AKAP13: variants seen among roughly 807,000 people sequenced by gnomAD.
AKAP13 encodes A-kinase anchor protein 13.
AKAP13 carries 80 observed loss-of-function variants against 264.5 expected under a neutral mutation model. The ratio of observed to expected loss-of-function variants is 0.30; its 90% confidence interval spans 0.25 to 0.36. AKAP13 has a LOEUF of 0.36. Among genes scored for constraint, AKAP13 ranks in the 10% least tolerant of loss-of-function variants. The probability of loss-of-function intolerance (pLI) is 1.00; values close to 1 mark genes in which losing one functional copy is unlikely to be tolerated. For missense variants in AKAP13, 3,712 were observed against 3,435.2 expected, an observed-to-expected ratio of 1.08 and a Z score of -2.01; for synonymous variants, 1,380 against 1,250.2, an observed-to-expected ratio of 1.10 and a Z score of -2.19.
intron 1 of AKAP13, among the ~76,000 whole-genome samples, chr15:85,471,489 C>T (rs1217668565): frequency 5.3e-5 from 8 of 151,946 alleles, no homozygotes; most frequent in African/African-American, 1.7e-4. Context: ...AGTGAGACTC[C>T]GTCTCAAAAA....
chr15:85,393,414 C>T (rs1319212898), intron 1 of AKAP13, among the ~76,000 whole-genome samples: 1 of 152,200 alleles, frequency 6.6e-6, no homozygotes, highest in Non-Finnish European at 1.5e-5. Context: ...GGATTAAAGG[C>T]ATGCATGGGT....
At position 85,513,974 on chromosome 15, in the gene AKAP13, A is replaced by G. The variant is rs2151131251; in HGVS notation, c.34-7454A>G. 1.4e-5 allele frequency among the ~76,000 whole-genome samples: 2 copies of G among 138,086 alleles called. 1 individual carries two copies. The highest frequency in any genetic ancestry group is 4.1e-4 in the East Asian group (2 of 4,892). The allele number at this position is 138,086 out of a possible 152,430, so 90.6% of individuals were successfully genotyped here. ...CTTTATTGAGATCTTTATTTTGATTAACCTGTTCAGTGTATTGGCAGATTT... is the reference window on the plus strand; with the variant it reads ...CTTTATTGAGATCTTTATTTTGATTGACCTGTTCAGTGTATTGGCAGATTT... On this transcript the variant is annotated intron_variant, in intron 2 of 36. Coordinates refer to ENST00000394518, the MANE Select transcript of AKAP13 (RefSeq NM_007200.5).
chr15:85,626,436 A>G (rs1485671628), intron 8 of AKAP13, among the ~76,000 whole-genome samples: 3 of 146,204 alleles, frequency 2.1e-5, no homozygotes, highest in Non-Finnish European at 3.0e-5. Context: ...TTTGGCAACT[A>G]CCGTTCTATT....
rs1286153221 is a variant in AKAP13, at chr15:85,730,418, T to C, written c.7088-95T>C. 3.0e-6 allele frequency: 4 copies of C among 1,341,344 alleles called. No homozygotes were observed. The African/African-American group carries it at 4.4e-5, about 15-fold the overall frequency. 83.1% of individuals were successfully genotyped at this position (1,341,344 alleles called of 1,614,324 possible). ...GGGGAGGGTGTCCTGTCTTGTCACTTTCCATAAATTACCACAAGGTGGTGC... is the reference window on the plus strand; with the variant it reads ...GGGGAGGGTGTCCTGTCTTGTCACTCTCCATAAATTACCACAAGGTGGTGC... On this transcript the variant is annotated intron_variant, in intron 29 of 36. Transcript: ENST00000394518.
At chr15:85,444,490 T>A (rs1250074610) in intron 1 of AKAP13, among the ~76,000 whole-genome samples, 2 of 152,246 alleles carry the variant, frequency 1.3e-5, no homozygotes, top group African/African-American at 4.8e-5. Flanking sequence ...TTGACTTGGT[T>A]GCAGAACGAA....
chr15:85,687,932 C>T (rs545488776), intron 16 of AKAP13, among the ~76,000 whole-genome samples: 82 of 151,390 alleles, frequency 5.4e-4, no homozygotes, highest in African/African-American at 1.9e-3. Flanking sequence ...CCTAGCTACT[C>T]AGGAGGCTGA....
At chr15:85,673,291 G>T (rs115813911) in intron 14 of AKAP13, among the ~76,000 whole-genome samples, 1,588 of 152,300 alleles carry the variant, frequency 0.01, 29 homozygotes, top group African/African-American at 0.036. Context: ...GGGGTGGAGA[G>T]TAGGCAAGCA....
At chr15:85,455,048 A>G (rs944530316) in intron 1 of AKAP13, among the ~76,000 whole-genome samples, 1 of 152,178 alleles carries the variant, frequency 6.6e-6, no homozygotes, top group African/African-American at 2.4e-5. Context: ...TGATGGAAGT[A>G]CATGGTTTAT....
chr15:85,626,271 T>A (rs1345299520), intron 8 of AKAP13, among the ~76,000 whole-genome samples: 5 of 152,224 alleles, frequency 3.3e-5, no homozygotes, highest in Non-Finnish European at 5.9e-5. Flanking sequence ...ACCATAAATT[T>A]TAACCATTTT....
chr15:85,425,609 G>A (rs549695047), intron 1 of AKAP13, among the ~76,000 whole-genome samples: 13 of 151,942 alleles, frequency 8.6e-5, no homozygotes, highest in East Asian at 5.8e-4. Context: ...CCATCTACTC[G>A]GGAGGCTGAG....
intron 8 of AKAP13, among the ~76,000 whole-genome samples, chr15:85,593,429 A>G (rs980196075): frequency 6.6e-6 from 1 of 152,056 alleles, no homozygotes; most frequent in African/African-American, 2.4e-5. Flanking sequence ...AATTTGAGAC[A>G]GGGTCTTGCT....
At chr15:85,668,123 C>G (rs1449056435) in intron 13 of AKAP13, among the ~76,000 whole-genome samples, 1 of 152,170 alleles carries the variant, frequency 6.6e-6, no homozygotes, top group East Asian at 1.9e-4. Context: ...TGTTAAAAGT[C>G]TCTGCCTTTC....
chr15:85,406,100 C>T (rs1273699022), intron 1 of AKAP13, among the ~76,000 whole-genome samples: 1 of 152,206 alleles, frequency 6.6e-6, no homozygotes, highest in Non-Finnish European at 1.5e-5. Flanking sequence ...GATCCTCCTG[C>T]CTTGGCGTCC....
At chr15:85,467,524 C>G (rs1418630580) in intron 1 of AKAP13, among the ~76,000 whole-genome samples, 1 of 152,084 alleles carries the variant, frequency 6.6e-6, no homozygotes, top group African/African-American at 2.4e-5. Flanking sequence ...TATTGTCAGG[C>G]TTTTTTCATT....
intron 12 of AKAP13, among the ~76,000 whole-genome samples, chr15:85,659,038 A>G (rs2083222938): frequency 6.6e-6 from 1 of 152,214 alleles, no homozygotes; most frequent in Non-Finnish European, 1.5e-5. Flanking sequence ...TTAATAATGT[A>G]ATGAAAGACT....
intron 8 of AKAP13, among the ~76,000 whole-genome samples, chr15:85,610,074 A>G (rs1391004435): frequency 6.6e-6 from 1 of 152,224 alleles, no homozygotes; most frequent in African/African-American, 2.4e-5. Flanking sequence ...CCTAAAACAG[A>G]CACTTAAATA....
At chr15:85,742,567 G>T (rs936112098) in intron 35 of AKAP13, among the ~76,000 whole-genome samples, 4 of 152,216 alleles carry the variant, frequency 2.6e-5, no homozygotes, top group African/African-American at 9.7e-5. Flanking sequence ...ACTCTGCATA[G>T]TTCCTGATTT....
intron 1 of AKAP13, among the ~76,000 whole-genome samples, chr15:85,478,042 G>T (rs1413613418): frequency 6.6e-6 from 1 of 152,110 alleles, no homozygotes; most frequent in Admixed American, 6.6e-5. Context: ...AGTAATCTCT[G>T]TCTGGACCCC....
At chr15:85,662,245 C>T (rs963880117) in intron 12 of AKAP13, 1 of 684,358 alleles carries the variant, frequency 1.5e-6, no homozygotes, top group Non-Finnish European at 2.6e-6. Flanking sequence ...TAAAAATTGT[C>T]AGTGTTACAT....
Sources: allele counts gnomAD v4.1 joint callset (sites outside exome capture counted in the v4.1 genomes callset), GRCh38; gene constraint gnomAD v4.1.1; transcripts MANE v1.5; gene names NCBI Gene and HGNC (gene_info 2026-07-23, HGNC 2026-07-21).